Variants in PKHD1 observed in about 807,000 individuals in gnomAD.
PKHD1 encodes the protein fibrocystin.
Under a neutral mutation model 412.0 loss-of-function variants are expected in PKHD1, and 291 were observed. That is an observed-to-expected ratio of 0.71 (90% CI 0.64 to 0.78). The LOEUF (loss-of-function observed/expected upper bound fraction) is 0.78. Ranked by LOEUF, PKHD1 falls within the 30% of genes least tolerant of loss-of-function variation. The probability of loss-of-function intolerance (pLI) is 0.00; values close to 1 mark genes in which losing one functional copy is unlikely to be tolerated. For synonymous variants in PKHD1, 1,777 were observed against 1,821.5 expected (o/e 0.98, Z 0.62); for missense variants, 4,825 against 4,950.7 (o/e 0.97, Z 0.76).
chr6:51,642,157 C>T (rs1330455816), intron 63 of PKHD1, among the ~76,000 whole-genome samples: 1 of 151,900 alleles, frequency 6.6e-6, no homozygotes, highest in Non-Finnish European at 1.5e-5. Context: ...CTTAAGGTTA[C>T]TGAAAGAAAA....
rs1428080081 is a variant in PKHD1, at chr6:52,033,214, G to T, written c.3229-49C>A. 5 of 1,460,594 alleles carry T rather than the reference G, an allele frequency of 3.4e-6. No individual in the cohort carries two copies. The South Asian group carries it at 4.6e-5, about 13-fold the overall frequency. 90.5% of individuals were successfully genotyped at this position (1,460,594 alleles called of 1,614,324 possible). On this transcript the variant is annotated intron_variant, in intron 28 of 66. Coordinates refer to ENST00000371117, the MANE Select transcript of PKHD1 (RefSeq NM_138694.4). Reference sequence around the variant, plus strand: ...AAACCTCAGTTTTATTTTAAAGTAGGACTGACTTAAGGGAAGAGAACTCCA... The same window carrying T: ...AAACCTCAGTTTTATTTTAAAGTAGTACTGACTTAAGGGAAGAGAACTCCA...
chr6:51,984,252 C>T (rs1164739317), intron 35 of PKHD1, among the ~76,000 whole-genome samples: 1 of 152,184 alleles, frequency 6.6e-6, no homozygotes, highest in African/African-American at 2.4e-5. Context: ...TGAAAGATTG[C>T]ATGGATTCTT....
At chr6:51,718,721 C>G (rs1044475028) in intron 60 of PKHD1, among the ~76,000 whole-genome samples, 1 of 151,942 alleles carries the variant, frequency 6.6e-6, no homozygotes, top group South Asian at 2.1e-4. Flanking sequence ...GTTTCTTTCA[C>G]ATAAAATGGA....
chr6:52,024,035 A>T (rs1180005192), intron 32 of PKHD1, among the ~76,000 whole-genome samples: 1 of 152,256 alleles, frequency 6.6e-6, no homozygotes, highest in Non-Finnish European at 1.5e-5. Flanking sequence ...TAGAAATTGA[A>T]AGCTTTTCTT....
chr6:51,802,969 G>T (rs1377919131), intron 52 of PKHD1, among the ~76,000 whole-genome samples: 1 of 114,096 alleles, frequency 8.8e-6, no homozygotes, highest in Non-Finnish European at 1.9e-5. Context: ...CTATTTGTTT[G>T]TTAAATATAC....
At chr6:52,059,820 G>A in intron 15 of PKHD1, 108 bp downstream of exon 15, 2 of 715,026 alleles carry the variant, frequency 2.8e-6, no homozygotes, top group South Asian at 2.9e-5. Flanking sequence ...TCATCCAATG[G>A]CATGTTAAAC....
chr6:51,758,546 T>C (rs895263131), intron 55 of PKHD1, among the ~76,000 whole-genome samples: 19 of 152,166 alleles, frequency 1.2e-4, no homozygotes, highest in African/African-American at 4.6e-4. Context: ...GACTCCTAGA[T>C]CTTCAGGGAA....
intron 34 of PKHD1, among the ~76,000 whole-genome samples, chr6:52,012,302 G>A (rs371323602): frequency 2.7e-4 from 41 of 152,302 alleles, no homozygotes; most frequent in African/African-American, 7.5e-4. Context: ...AAGGCAGCTC[G>A]CGTTATAGCT....
intron 35 of PKHD1, among the ~76,000 whole-genome samples, chr6:51,991,129 TG>T (rs202220910): frequency 0.013 from 1,938 of 152,342 alleles, 26 homozygotes; most frequent in South Asian, 0.046. Context: ...TCATCTTTAC[TG>T]CCACTTTTTC....
chr6:51,772,910 G>A lies in PKHD1; in HGVS notation c.8555-121C>T, dbSNP rs1479527267. On this transcript the variant is annotated intron_variant, in intron 54 of 66. Coordinates refer to ENST00000371117, the MANE Select transcript of PKHD1 (RefSeq NM_138694.4). Reference sequence around the variant, plus strand: ...ATGTGATATAGAATCTCTATATGAAGGTCCCATATTATCAAAAGCATTATT... The same window carrying A: ...ATGTGATATAGAATCTCTATATGAAAGTCCCATATTATCAAAAGCATTATT... 4.3e-6 allele frequency: 3 copies of A among 704,528 alleles called. No individual in the cohort carries two copies. In the African/African-American group the frequency reaches 5.3e-5, roughly 12 times the overall value. The allele number at this position is 704,528 out of a possible 1,614,324, so 43.6% of individuals were successfully genotyped here.
intron 60 of PKHD1, among the ~76,000 whole-genome samples, chr6:51,708,233 C>A (rs1262959644): frequency 2.0e-5 from 3 of 152,182 alleles, no homozygotes; most frequent in African/African-American, 7.2e-5. Flanking sequence ...CTCCTCCTCT[C>A]TTTTCCTCAT....
chr6:51,701,064 AC>A (rs748372631), intron 60 of PKHD1, among the ~76,000 whole-genome samples: 4 of 152,160 alleles, frequency 2.6e-5, no homozygotes, highest in Non-Finnish European at 4.4e-5. Context: ...CTCTTTAACA[AC>A]TAAAATTATT....
At chr6:51,694,722 A>G (rs927009072) in intron 60 of PKHD1, among the ~76,000 whole-genome samples, 5 of 151,964 alleles carry the variant, frequency 3.3e-5, no homozygotes, top group Admixed American at 2.0e-4. Flanking sequence ...AGTCGTGAGT[A>G]ACCACAAAAT....
At chr6:51,621,676 C>T (rs1052061645) in intron 66 of PKHD1, 1 of 152,158 alleles carries the variant, frequency 6.6e-6, no homozygotes, top group Non-Finnish European at 1.5e-5. Context: ...GACAGACTCC[C>T]CAGCCGAAAT....
rs1266923 is a variant in PKHD1, at chr6:51,959,882, G to C, written c.5896C>G (p.Leu1966Val). The stretch of plus-strand genomic sequence containing the variant: ...AAACTTCACACACCTTTAATGTGCA[G>C]TAAGTTGAGGATGCTTGTGTTAGTG... Reference protein sequence around the residue: ...LDTNTSILNLLHIKGGKLIFM... With the variant: ...LDTNTSILNLVHIKGGKLIFM... Residue 1966 changes from leucine (L) to valine (V), a missense_variant, in exon 36 of 67, where the codon CTG becomes GTG. Physicochemically the swap from Leu to Val is conservative, Grantham distance 32. Coordinates refer to ENST00000371117, the MANE Select transcript of PKHD1 (RefSeq NM_138694.4). The C allele has an allele frequency of 5.0e-6, 8 of 1,612,896 alleles. No homozygotes were observed. The highest frequency in any genetic ancestry group is 6.8e-6 in the Non-Finnish European group (8 of 1,179,260).
intron 24 of PKHD1, 39 bp from the exon 25 acceptor site, chr6:52,045,127 C>T (rs150987787): frequency 1.2e-6 from 2 of 1,605,820 alleles, no homozygotes; most frequent in African/African-American, 2.7e-5. Flanking sequence ...TGTCATGGAA[C>T]CGAAATCTAA....
In PKHD1 at chr6:52,037,365, G is replaced by A. The variant is rs530821001; in HGVS notation, c.3098-1644C>T. On this transcript the variant is annotated intron_variant, in intron 27 of 66. Transcript: ENST00000371117. The stretch of plus-strand genomic sequence containing the variant: ...TTTAGAAGTCCTGAAGCCATAAAAG[G>A]AAGATATATTTTATTATGTAAAAAT... Among the ~76,000 whole-genome samples, 157 of 152,030 alleles carry A rather than the reference G, an allele frequency of 1.0e-3. 1 individual carries two copies. In the South Asian group the frequency reaches 0.016, roughly 16 times the overall value.
chr6:51,898,155 C>T (rs994314550), intron 43 of PKHD1, among the ~76,000 whole-genome samples: 1 of 152,126 alleles, frequency 6.6e-6, no homozygotes, highest in Non-Finnish European at 1.5e-5. Flanking sequence ...AGCTCTGCAC[C>T]AAGCGAACCT....
rs369926406 is a variant in PKHD1 at position 51,913,323 on chromosome 6, G to A, written c.6122-747C>T. Reference sequence around the variant, plus strand: ...ATCTAACATAGGACTGCTAAATGCAGTTGAAGAAGGGGAACTTGTGGTTCA... The same window carrying A: ...ATCTAACATAGGACTGCTAAATGCAATTGAAGAAGGGGAACTTGTGGTTCA... On this transcript the variant is annotated intron_variant, in intron 37 of 66. Transcript: ENST00000371117. Among the ~76,000 whole-genome samples, 81 of 152,182 alleles carry A rather than the reference G, an allele frequency of 5.3e-4. 2 individuals carry two copies. In the East Asian group the frequency reaches 0.015, roughly 28 times the overall value.
Sources: gnomAD v4.1 joint callset for allele counts (sites outside exome capture counted in the v4.1 genomes callset) on GRCh38, gnomAD v4.1.1 for gene constraint, MANE v1.5 for transcripts, NCBI Gene and HGNC (gene_info 2026-07-23, HGNC 2026-07-21) for gene names.